Variants in UBA3 observed in about 807,000 individuals in gnomAD.
The protein encoded by UBA3 is NEDD8-activating enzyme E1 catalytic subunit.
A neutral mutation model predicts 73.5 loss-of-function variants in UBA3; 26 were observed. The ratio of observed to expected loss-of-function variants is 0.35; its 90% CI spans 0.26 to 0.49. The LOEUF (loss-of-function observed/expected upper bound fraction) is 0.49, where lower values mean the gene tolerates loss of function less well. Ranked by LOEUF, UBA3 falls within the 20% of genes least tolerant of loss-of-function variation. UBA3 has a pLI of 0.98. For synonymous variants in UBA3, 217 were observed against 191.2 expected, an observed-to-expected ratio of 1.13 and a Z score of -1.11; for missense variants, 495 against 555.6, an observed-to-expected ratio of 0.89 and a Z score of 1.10.
At position 69,061,849 on chromosome 3, in the gene UBA3, T is replaced by C. The variant is rs1559642143; in HGVS notation, c.875A>G (p.Tyr292Cys). ...FQKSLERASQ[Y>C]NIRGVTYRLT... is the part of the protein sequence containing the mutation. ...CCTATACGTAACACCCCTAATATTATATTGTGATGCTCTCTCTAGGGATTT... is the reference window on the plus strand; with the variant it reads ...CCTATACGTAACACCCCTAATATTACATTGTGATGCTCTCTCTAGGGATTT... Residue 292 changes from tyrosine to cysteine, a missense_variant, in exon 11 of 18, where the codon TAT becomes TGT. Tyr to Cys is a radical substitution (Grantham distance 194). Coordinates refer to ENST00000361055, the MANE Select transcript of UBA3 (RefSeq NM_003968.4). 1.2e-6 allele frequency: 2 copies of C among 1,610,456 alleles called. No individual in the cohort carries two copies. Among genetic ancestry groups the C allele is most frequent in the African/African-American group, 1.3e-5 (1 of 74,656 alleles).
chr3:69,065,192 C>T (rs960550963), intron 6 of UBA3, among the ~76,000 whole-genome samples: 5 of 152,156 alleles, frequency 3.3e-5, no homozygotes, highest in African/African-American at 1.2e-4. Context: ...GTTTCCCAGA[C>T]CCACATAATG....
rs368084542 is a variant in UBA3, at chr3:69,064,898, A to C, written c.429-787T>G. The stretch of plus-strand genomic sequence containing the variant: ...AAATAGTCCACTATAAATTTTTTAA[A>C]AGCAATACAGAGAAAAAAGGGACAA... On this transcript the variant is annotated intron_variant, in intron 6 of 17. Coordinates refer to ENST00000361055, the MANE Select transcript of UBA3 (RefSeq NM_003968.4). Among the ~76,000 whole-genome samples the C allele has an allele frequency of 9.2e-5, 14 of 152,330 alleles. 1 individual carries two copies. The South Asian group carries it at 2.7e-3, about 29-fold the overall frequency.
chr3:69,060,396 C>T lies in UBA3; in HGVS notation c.910+1418G>A, dbSNP rs62254241. 9.7e-3 allele frequency among the ~76,000 whole-genome samples: 1,479 copies of T among 151,940 alleles called. 6 individuals are homozygous for T. The highest frequency in any genetic ancestry group is 0.016 in the Non-Finnish European group (1,096 of 67,958). ...TCCAGCTTTCAGTGGCTAGTAACAT[C>T]AAAGAATCCAAAGTATAGCATCAAT... On this transcript the variant is annotated intron_variant, in intron 11 of 17. Coordinates refer to ENST00000361055, the MANE Select transcript of UBA3 (RefSeq NM_003968.4).
intron 11 of UBA3, among the ~76,000 whole-genome samples, chr3:69,059,975 T>C (rs568347962): frequency 1.3e-5 from 2 of 152,260 alleles, no homozygotes; most frequent in Admixed American, 6.5e-5. Context: ...GTAGAGGATC[T>C]GGAAAGGTTT....
intron 10 of UBA3, 31 bp from the exon 11 acceptor site, chr3:69,061,958 A>G (rs760469690): frequency 3.9e-5 from 59 of 1,503,670 alleles, no homozygotes; most frequent in Admixed American, 1.9e-5. Context: ...AGAGAGAGAG[A>G]GAGAGAAGAC....
Position 69,055,747 on chromosome 3 carries a change from C to T in UBA3, c.1303+104G>A, listed in dbSNP as rs1005978369. On this transcript the variant is annotated intron_variant, in intron 17 of 17. Coordinates refer to ENST00000361055, the MANE Select transcript of UBA3 (RefSeq NM_003968.4). ...AAGTTGTAAGTAATTATTACCTGAC[C>T]ATATACAAGGCATTAAGAGGAAATC... is the stretch of plus-strand genomic sequence containing the variant. The T allele has an allele frequency of 5.4e-6, 6 of 1,106,024 alleles. No homozygotes were observed. In the African/African-American group the frequency reaches 9.5e-5, roughly 18 times the overall value. The allele number at this position is 1,106,024 out of a possible 1,614,324, so 68.5% of individuals were successfully genotyped here. A position where few individuals can be genotyped will look rare whatever the true frequency, so the allele number is the denominator to read the frequency against.
rs377252360 is a variant in UBA3 at position 69,056,327 on chromosome 3, A to C, written c.1084-44T>G. The C allele has an allele frequency of 1.1e-4, 145 of 1,365,572 alleles. 5 individuals carry two copies. The South Asian group carries it at 1.7e-3, about 16-fold the overall frequency. 84.6% of individuals were successfully genotyped at this position (1,365,572 alleles called of 1,614,324 possible). A position where few individuals can be genotyped will look rare whatever the true frequency, so the allele number is the denominator to read the frequency against. On this transcript the variant is annotated intron_variant, in intron 14 of 17. Transcript: ENST00000361055. Reference sequence around the variant, plus strand: ...ACAAATTACAGCAGCACATGCACCAATATTAGTCTCTTTTATGAACAATAA... The same window carrying C: ...ACAAATTACAGCAGCACATGCACCACTATTAGTCTCTTTTATGAACAATAA...
At chr3:69,056,462 G>C in intron 14 of UBA3, 150 bp downstream of exon 14, 1 of 855,050 alleles carries the variant, frequency 1.2e-6, no homozygotes, top group Non-Finnish European at 1.8e-6. Context: ...CTTCGCTATA[G>C]AGTTATTTCA....
intron 9 of UBA3, among the ~76,000 whole-genome samples, chr3:69,062,460 T>C (rs916511595): frequency 1.3e-5 from 2 of 152,210 alleles, no homozygotes; most frequent in African/African-American, 4.8e-5. Flanking sequence ...TTCTCAAATA[T>C]GAACACCTTG....
At chr3:69,061,458 G>T (rs556787370) in intron 11 of UBA3, 1 of 163,458 alleles carries the variant, frequency 6.1e-6, no homozygotes, top group Admixed American at 6.1e-5. Context: ...GCCTCCCGAA[G>T]TGCTAGGATT....
At chr3:69,079,730 C>A (rs374746871) in intron 2 of UBA3, 35 of 243,542 alleles carry the variant, frequency 1.4e-4, no homozygotes, top group African/African-American at 8.0e-4. Flanking sequence ...TTGCAAAAGG[C>A]CACAAAACGG....
intron 4 of UBA3, 146 bp from the exon 5 acceptor site, chr3:69,071,763 G>A: frequency 1.9e-6 from 1 of 533,370 alleles, no homozygotes. Flanking sequence ...ACTCTTGCAA[G>A]GTATATAAAA....
chr3:69,069,362 C>T (rs1339900561), intron 5 of UBA3, among the ~76,000 whole-genome samples: 1 of 152,164 alleles, frequency 6.6e-6, no homozygotes, highest in Non-Finnish European at 1.5e-5. Flanking sequence ...GAGTCTCGCT[C>T]TGTCACCCAC....
chr3:69,061,724 T>C, intron 11 of UBA3, 90 bp downstream of exon 11: 2 of 746,544 alleles, frequency 2.7e-6, no homozygotes, highest in East Asian at 5.0e-5. Flanking sequence ...TGGATGGTAC[T>C]GTCTAAACTC....
Position 69,062,436 on chromosome 3 carries a change from A to T in UBA3, c.694-257T>A, listed in dbSNP as rs144997413. Among the ~76,000 whole-genome samples, 161 of 152,366 alleles carry T rather than the reference A, an allele frequency of 1.1e-3. 3 individuals are homozygous for T. In the East Asian group the frequency reaches 0.027, roughly 26 times the overall value. The stretch of plus-strand genomic sequence containing the variant: ...GCTTTGTTAGACTATGAGAAGAAAA[A>T]TACTGAACAGATTTTCTCAAATATG... On this transcript the variant is annotated intron_variant, in intron 9 of 17. Transcript: ENST00000361055.
intron 4 of UBA3, among the ~76,000 whole-genome samples, chr3:69,074,236 G>A (rs2092145792): frequency 6.6e-6 from 1 of 152,040 alleles, no homozygotes; most frequent in African/African-American, 2.4e-5. Flanking sequence ...AAAAACCAAT[G>A]CCCATCCTCC....
chr3:69,068,844 T>C (rs894059497), intron 5 of UBA3, among the ~76,000 whole-genome samples: 3 of 152,222 alleles, frequency 2.0e-5, no homozygotes, highest in African/African-American at 7.2e-5. Context: ...ATGCTGGGAT[T>C]ACAGGCATGA....
rs1302444553 is a variant in UBA3, at chr3:69,056,749, T to C, written c.1001+30A>G. The C allele has an allele frequency of 2.5e-6, 4 of 1,611,860 alleles. No homozygotes were observed. In the African/African-American group the frequency reaches 5.4e-5, roughly 22 times the overall value. Reference sequence around the variant, plus strand: ...ATTAAACCAAGTCAAAACATAAATTTACATGCATATTAAAAATGAAACCTA... The same window carrying C: ...ATTAAACCAAGTCAAAACATAAATTCACATGCATATTAAAAATGAAACCTA... On this transcript the variant is annotated intron_variant, in intron 13 of 17. Coordinates refer to ENST00000361055, the MANE Select transcript of UBA3 (RefSeq NM_003968.4).
At chr3:69,072,672 G>T (rs967184368) in intron 4 of UBA3, among the ~76,000 whole-genome samples, 3 of 152,142 alleles carry the variant, frequency 2.0e-5, no homozygotes, top group African/African-American at 7.2e-5. Flanking sequence ...CTTGTGCTTT[G>T]TTCTGGTGAT....
Sources: allele counts gnomAD v4.1 joint callset (sites outside exome capture counted in the v4.1 genomes callset), GRCh38; gene constraint gnomAD v4.1.1; transcripts MANE v1.5; gene names NCBI Gene and HGNC (gene_info 2026-07-23, HGNC 2026-07-21).